NFYB: variants seen among roughly 807,000 people sequenced by gnomAD.
NFYB encodes nuclear transcription factor Y subunit beta, also known as CAAT box DNA-binding protein subunit B.
Under a neutral mutation model 28.0 loss-of-function variants are expected in NFYB, and 13 were observed. The observed-to-expected ratio is 0.46, with a 90% CI of 0.30 to 0.74. The LOEUF is 0.74. Ranked by LOEUF, NFYB falls within the 30% of genes least tolerant of loss-of-function variation. The pLI is 0.07. For missense variants in NFYB, 142 were observed against 247.6 expected (o/e 0.57, Z 2.86); for synonymous variants, 74 against 75.0 (o/e 0.99, Z 0.07).
chr12:104,128,458 A>G lies in NFYB; in HGVS notation c.66T>C (p.Ile22=), dbSNP rs748623503. The change falls in exon 3 of 8, where the codon ATT becomes ATC. Residue 22 remains isoleucine, a synonymous_variant. Coordinates refer to ENST00000240055, the MANE Select transcript of NFYB (RefSeq NM_006166.4). ...GCTGTATAACATAATGACTTCCTCC[A>G]ATATAGTCTGCAGAGATTCCTAGTT... The part of the protein sequence containing the change: ...ASQLGISADY[I]GGSHYVIQPH... The G allele has an allele frequency of 1.4e-5, 22 of 1,612,558 alleles. No homozygotes were observed. The highest frequency in any genetic ancestry group is 6.7e-5 in the African/African-American group (5 of 74,982).
At chr12:104,132,120 C>CA (rs2030947121) in intron 2 of NFYB, among the ~76,000 whole-genome samples, 2 of 152,174 alleles carry the variant, frequency 1.3e-5, no homozygotes, top group Admixed American at 1.3e-4. Context: ...CGAAGAAAAA[C>CA]AAAGATGTTT....
At chr12:104,125,679 T>C (rs895002533) in intron 4 of NFYB, among the ~76,000 whole-genome samples, 8 of 150,878 alleles carry the variant, frequency 5.3e-5, no homozygotes, top group African/African-American at 2.0e-4. Flanking sequence ...AGAAACCCCA[T>C]TTCTACCAAA....
At chr12:104,124,939 T>C (rs2136654013) in intron 4 of NFYB, among the ~76,000 whole-genome samples, 1 of 152,356 alleles carries the variant, frequency 6.6e-6, no homozygotes, top group South Asian at 2.1e-4. Flanking sequence ...GCTTTATTAC[T>C]TCCATAAGTC....
intron 3 of NFYB, among the ~76,000 whole-genome samples, chr12:104,126,446 G>C (rs1204182922): frequency 6.6e-6 from 1 of 151,994 alleles, no homozygotes; most frequent in African/African-American, 2.4e-5. Context: ...TCACTGCCTA[G>C]AACACTTTTT....
At chr12:104,125,322 G>A (rs1411052904) in intron 4 of NFYB, 1 of 153,216 alleles carries the variant, frequency 6.5e-6, no homozygotes, top group Non-Finnish European at 1.4e-5. Flanking sequence ...ACTTGGATGG[G>A]AGAAGTTACA....
intron 4 of NFYB, among the ~76,000 whole-genome samples, chr12:104,124,262 T>C (rs1163665585): frequency 6.6e-6 from 1 of 152,246 alleles, no homozygotes; most frequent in African/African-American, 2.4e-5. Context: ...ATACACAGTG[T>C]CAGATACAGG....
At chr12:104,123,175 C>CAA (rs376212712) in intron 5 of NFYB, 51 bp downstream of exon 5, 2,169 of 1,108,424 alleles carry the variant, frequency 2.0e-3, no homozygotes, top group East Asian at 4.2e-3. Flanking sequence ...TACTCCACCT[C>CAA]AAAAAAAAAA....
rs1449502979 is a variant in NFYB, at chr12:104,119,587, C to T, written c.*150G>A. On this transcript the variant is annotated 3_prime_UTR_variant, in exon 8 of 8. Coordinates refer to ENST00000240055, the MANE Select transcript of NFYB (RefSeq NM_006166.4). Reference sequence around the variant, plus strand: ...AAAAAGATTCTCAAGTCAGAATTAACACCTCAATTAGTCAAGCATCAGGAA... The same window carrying T: ...AAAAAGATTCTCAAGTCAGAATTAATACCTCAATTAGTCAAGCATCAGGAA... The T allele has an allele frequency of 3.8e-6, 2 of 520,102 alleles. No individual in the cohort carries two copies. The highest frequency in any genetic ancestry group is 6.9e-6 in the Non-Finnish European group (2 of 291,962). 32.2% of individuals were successfully genotyped at this position (520,102 alleles called of 1,614,324 possible).
At chr12:104,119,929 G>T (rs933700388) in intron 7 of NFYB, among the ~76,000 whole-genome samples, 160 bp from the exon 8 acceptor site, 8 of 151,956 alleles carry the variant, frequency 5.3e-5, no homozygotes, top group Non-Finnish European at 1.2e-4. Flanking sequence ...ATGAACATAT[G>T]CTTATTTTTA....
Position 104,135,468 on chromosome 12 carries a change from AC to A in NFYB, c.-16del. 6.3e-7 allele frequency: 1 copy of A among 1,588,990 alleles called. No individual in the cohort carries two copies. Among genetic ancestry groups the A allele is most frequent in the South Asian group, 1.2e-5 (1 of 86,334 alleles). The stretch of plus-strand genomic sequence containing the variant: ...CTTACTGTCATGAAATACTGTCAGA[AC>A]CGTGTTGTCAGTGGTGCTGAAGAAC... On this transcript the variant is annotated 5_prime_UTR_variant, in exon 2 of 8. Coordinates refer to ENST00000240055, the MANE Select transcript of NFYB (RefSeq NM_006166.4).
chr12:104,137,384 C>CA (rs1402414562), intron 1 of NFYB: 2 of 152,272 alleles, frequency 1.3e-5, no homozygotes, highest in East Asian at 3.9e-4. Flanking sequence ...ACCTTCGGGG[C>CA]AAGTACAGGG....
intron 2 of NFYB, among the ~76,000 whole-genome samples, 193 bp downstream of exon 2, chr12:104,135,255 G>C (rs932386454): frequency 5.9e-5 from 9 of 152,190 alleles, no homozygotes; most frequent in Non-Finnish European, 1.2e-4. Flanking sequence ...ACAGCACTTA[G>C]GGACCCATGG....
chr12:104,121,526 G>C (rs1280807190), intron 5 of NFYB, among the ~76,000 whole-genome samples: 1 of 152,108 alleles, frequency 6.6e-6, no homozygotes, highest in Admixed American at 6.5e-5. Context: ...ACAAGACAGA[G>C]TTAGTAATGA....
Position 104,120,412 on chromosome 12 carries a change from T to A in NFYB, c.579A>T (p.Thr193=). 1.2e-6 allele frequency: 2 copies of A among 1,613,368 alleles called. No individual in the cohort carries two copies. The highest frequency in any genetic ancestry group is 1.7e-6 in the Non-Finnish European group (2 of 1,179,618). The change falls in exon 7 of 8, where the codon ACA becomes ACT. Residue 193 remains threonine (T), a synonymous_variant. Transcript: ENST00000240055. ...CAAAGGACTGTACCTGTTGATATGA[T>A]GTTGTGTAAACCATAACATTTTGTT... is the stretch of plus-strand genomic sequence containing the variant. ...GQQQNVMVYT[T]SYQQISGVQQ...
chr12:104,135,354 AC>A, intron 2 of NFYB, 93 bp downstream of exon 2: 1 of 1,091,066 alleles, frequency 9.2e-7, no homozygotes, highest in South Asian at 1.6e-5. Context: ...CATTCATTCT[AC>A]CAGGCACCTC....
At position 104,121,277 on chromosome 12, in the gene NFYB, T is replaced by C. The variant is rs2030462611; in HGVS notation, c.474A>G (p.Thr158=). 1 of 1,612,892 alleles carries C rather than the reference T, an allele frequency of 6.2e-7. No homozygotes were observed. Among genetic ancestry groups the C allele is most frequent in the Non-Finnish European group, 8.5e-7 (1 of 1,179,674 alleles). The stretch of plus-strand genomic sequence containing the variant: ...CTGTAAGCTCTTCACTTAGTCCATC[T>C]GTAGCTGTGACTGCTCCACCAATTC... ...EKGIGGAVTA[T]DGLSEELTEE... is the part of the protein sequence containing the mutation. Residue 158 remains threonine, a synonymous_variant, in exon 6 of 8, where the codon ACA becomes ACG. Coordinates refer to ENST00000240055, the MANE Select transcript of NFYB (RefSeq NM_006166.4).
chr12:104,132,958 C>A (rs892025957), intron 2 of NFYB, among the ~76,000 whole-genome samples: 3 of 152,130 alleles, frequency 2.0e-5, no homozygotes, highest in Non-Finnish European at 2.9e-5. Flanking sequence ...GTGGTTAAAT[C>A]CCAATAAATT....
At chr12:104,137,549 C>G (rs1459385731) in intron 1 of NFYB, 1 of 152,276 alleles carries the variant, frequency 6.6e-6, no homozygotes, top group African/African-American at 2.4e-5. Context: ...AGGAGGCCGC[C>G]CCCAGAGCGC....
At chr12:104,127,593 A>T (rs540987984) in intron 3 of NFYB, among the ~76,000 whole-genome samples, 154 of 151,778 alleles carry the variant, frequency 1.0e-3, no homozygotes, top group Non-Finnish European at 1.6e-3. Flanking sequence ...TAAAAAAAAA[A>T]AAAAAATTTT....
Sources: gnomAD v4.1 joint callset for allele counts (sites outside exome capture counted in the v4.1 genomes callset) on GRCh38, gnomAD v4.1.1 for gene constraint, MANE v1.5 for transcripts, NCBI Gene and HGNC (gene_info 2026-07-23, HGNC 2026-07-21) for gene names.